The following PLEKHM1 variants were observed in gnomAD, a reference collection of about 807,000 sequenced individuals.
The protein encoded by PLEKHM1 is pleckstrin homology domain-containing family M member 1.
In PLEKHM1, 28 loss-of-function variants were observed where a neutral mutation model predicts 94.3. The ratio of observed to expected loss-of-function variants is 0.30; its 90% CI spans 0.22 to 0.41. PLEKHM1 has a LOEUF of 0.41. PLEKHM1 is among the 10% of genes least tolerant of loss of function. PLEKHM1 has a pLI of 1.00. For missense variants in PLEKHM1, 907 were observed against 1,358.6 expected, an observed-to-expected ratio of 0.67 and a Z score of 5.22; for synonymous variants, 424 against 581.2, an observed-to-expected ratio of 0.73 and a Z score of 3.89.
At chr17:45,455,749 T>C (rs2050925936) in intron 6 of PLEKHM1, among the ~76,000 whole-genome samples, 1 of 152,184 alleles carries the variant, frequency 6.6e-6, no homozygotes, top group South Asian at 2.1e-4. Context: ...TGGCCTGGCT[T>C]GTGATGACAA....
Position 45,453,039 on chromosome 17 carries a change from C to G in PLEKHM1, c.2497+316G>C, listed in dbSNP as rs190138982. On this transcript the variant is annotated intron_variant, in intron 7 of 11. Coordinates refer to ENST00000430334, the MANE Select transcript of PLEKHM1 (RefSeq NM_014798.3). This position sits in a 1 kb window ranked among gnomAD's most constrained non-coding sequence, Gnocchi z 4.1. Reference sequence around the variant, plus strand: ...ATGCCCCTGCTCTGAAAGAACAGGACGGTAGAGCAAGAAGAAAATGAAGCA... The same window carrying G: ...ATGCCCCTGCTCTGAAAGAACAGGAGGGTAGAGCAAGAAGAAAATGAAGCA... 3.6e-6 allele frequency: 2 copies of G among 553,250 alleles called. No homozygotes were observed. Among genetic ancestry groups the G allele is most frequent in the East Asian group, 6.2e-5 (2 of 32,176 alleles). The allele number at this position is 553,250 out of a possible 1,614,324, so 34.3% of individuals were successfully genotyped here.
chr17:45,454,179 G>T lies in PLEKHM1; in HGVS notation c.1673C>A (p.Ser558Tyr), dbSNP rs753931445. Reference protein sequence around the residue: ...GIWKELFCELSPLEFRLYLSN... With the variant: ...GIWKELFCELYPLEFRLYLSN... ...CAGGTAGAGGCGGAACTCCAGCGGG[G>T]AGAGCTCGCAGAAGAGCTCCTTCCA... is the stretch of plus-strand genomic sequence containing the variant. Residue 558 changes from serine (S) to tyrosine (Y), a missense_variant, in exon 7 of 12, where the codon TCC becomes TAC. Transcript: ENST00000430334. 1 of 1,613,648 alleles carries T rather than the reference G, an allele frequency of 6.2e-7. No homozygotes were observed. The highest frequency in any genetic ancestry group is 1.1e-5 in the South Asian group (1 of 91,058).
chr17:45,476,716 G>A lies in PLEKHM1; in HGVS notation c.297-990C>T, dbSNP rs1248989337. On this transcript the variant is annotated intron_variant, in intron 3 of 11. Coordinates refer to ENST00000430334, the MANE Select transcript of PLEKHM1 (RefSeq NM_014798.3). The stretch of plus-strand genomic sequence containing the variant: ...CAGTCATGCAGACTGCAGGGTAGAT[G>A]TTCTGCATAAGGAGATCAGACCCCA... Among the ~76,000 whole-genome samples the A allele has an allele frequency of 5.3e-5, 8 of 152,204 alleles. No homozygotes were observed. In the East Asian group the frequency reaches 1.5e-3, roughly 29 times the overall value.
Position 45,442,864 on chromosome 17 carries a change from A to C in PLEKHM1, c.2837+2606T>G, listed in dbSNP as rs1381806541. 2.0e-5 allele frequency among the ~76,000 whole-genome samples: 3 copies of C among 152,256 alleles called. No individual in the cohort carries two copies. In the East Asian group the frequency reaches 5.8e-4, roughly 29 times the overall value. Reference sequence around the variant, plus strand: ...GAAGCCCAGCTGCCCAGAGCCCCTCAAGGGTGTCAGTGAGCTGTGCTCCTG... The same window carrying C: ...GAAGCCCAGCTGCCCAGAGCCCCTCCAGGGTGTCAGTGAGCTGTGCTCCTG... On this transcript the variant is annotated intron_variant, in intron 9 of 11. Transcript: ENST00000430334.
At chr17:45,487,150 GC>G (rs1175552801) in intron 1 of PLEKHM1, among the ~76,000 whole-genome samples, 1 of 152,170 alleles carries the variant, frequency 6.6e-6, no homozygotes, top group African/African-American at 2.4e-5. Context: ...CATTTAGGAA[GC>G]CCCAAACCAC....
intron 3 of PLEKHM1, 40 bp from the exon 4 acceptor site, chr17:45,475,766 A>G (rs1417744081): frequency 2.6e-6 from 4 of 1,557,354 alleles, no homozygotes; most frequent in Admixed American, 1.9e-5. Context: ...AAACTACCCC[A>G]AATCACAGAG....
chr17:45,446,958 T>G (rs975539072), intron 8 of PLEKHM1, among the ~76,000 whole-genome samples: 2 of 152,222 alleles, frequency 1.3e-5, no homozygotes, highest in African/African-American at 4.8e-5. Flanking sequence ...CGTTCGCTGC[T>G]GCTGCTTTAG....
At chr17:45,474,472 C>A (rs1343332155) in intron 4 of PLEKHM1, among the ~76,000 whole-genome samples, 1 of 152,218 alleles carries the variant, frequency 6.6e-6, no homozygotes, top group Non-Finnish European at 1.5e-5. Context: ...CTGTCCACCA[C>A]CTCCTGCATG....
At chr17:45,479,839 ATACACCACAAAATG>A (rs2051889287) in intron 2 of PLEKHM1, among the ~76,000 whole-genome samples, 1 of 152,258 alleles carries the variant, frequency 6.6e-6, no homozygotes, top group Non-Finnish European at 1.5e-5. Flanking sequence ...TTGTTAAATG[ATACACCACAAAATG>A]TACATAGAGT....
At chr17:45,454,501 G>A in intron 6 of PLEKHM1, 1 of 621,262 alleles carries the variant, frequency 1.6e-6, no homozygotes, top group Non-Finnish European at 2.9e-6. Flanking sequence ...GAGAAAATAA[G>A]AGCACCCAAA....
intron 5 of PLEKHM1, among the ~76,000 whole-genome samples, chr17:45,460,772 T>A (rs971585815): frequency 3.3e-5 from 5 of 152,260 alleles, no homozygotes; most frequent in African/African-American, 1.2e-4. Context: ...TTGGCCAGGC[T>A]GGTCTTGCAC....
intron 11 of PLEKHM1, among the ~76,000 whole-genome samples, chr17:45,438,189 T>C (rs980673042): frequency 2.6e-5 from 4 of 152,254 alleles, no homozygotes; most frequent in African/African-American, 9.6e-5. Flanking sequence ...TCCTATTGCA[T>C]TTTTTATAAA....
At chr17:45,477,757 A>C (rs2051799244) in intron 3 of PLEKHM1, 143 bp downstream of exon 3, 1 of 931,418 alleles carries the variant, frequency 1.1e-6, no homozygotes, top group South Asian at 1.4e-5. Context: ...TCTAGAAGAC[A>C]CTTTCAACCC....
At position 45,453,068 on chromosome 17, in the gene PLEKHM1, T is replaced by C; in HGVS notation, c.2497+287A>G. 2 of 585,906 alleles carry C rather than the reference T, an allele frequency of 3.4e-6. No homozygotes were observed. The highest frequency in any genetic ancestry group is 6.1e-6 in the Non-Finnish European group (2 of 327,554). The allele number at this position is 585,906 out of a possible 1,614,324, so 36.3% of individuals were successfully genotyped here. On this transcript the variant is annotated intron_variant, in intron 7 of 11. Coordinates refer to ENST00000430334, the MANE Select transcript of PLEKHM1 (RefSeq NM_014798.3). This position sits in a 1 kb window ranked among gnomAD's most constrained non-coding sequence, Gnocchi z 4.1. ...AGAGCAAGAAGAAAATGAAGCAGGC[T>C]GGGACTCCCTGAGCAGCGCAGTGAG... is the stretch of plus-strand genomic sequence containing the variant.
rs148973891 is a variant in PLEKHM1, at chr17:45,453,903, G to A, written c.1949C>T (p.Ala650Val). 7.8e-5 allele frequency: 126 copies of A among 1,613,802 alleles called. No individual in the cohort carries two copies. Among genetic ancestry groups the A allele is most frequent in the Middle Eastern group, 1.7e-4 (1 of 6,054 alleles). ...TGAGGGAGAGAGGCAGCCCTGGGGC[G>A]CCTCGGGGGGTTCCTCAGGCTGGTC... ...YPDQPEEPPEAPQGCLSPSDL... is the reference protein window; with the variant it reads ...YPDQPEEPPEVPQGCLSPSDL... The change falls in exon 7 of 12, where the codon GCG becomes GTG. Residue 650 changes from alanine to valine, a missense_variant. By Grantham distance (64) the Ala-to-Val change is moderately conservative (BLOSUM62 0). Coordinates refer to ENST00000430334, the MANE Select transcript of PLEKHM1 (RefSeq NM_014798.3). The surrounding 1 kb of genome is among the most constrained non-coding windows in gnomAD (Gnocchi z 4.1).
intron 2 of PLEKHM1, 23 bp downstream of exon 2, chr17:45,482,414 T>G (rs200624347): frequency 5.8e-6 from 5 of 868,228 alleles, no homozygotes; most frequent in Non-Finnish European, 9.3e-6. Flanking sequence ...TTCCCCGCCC[T>G]TGATCCTCCC....
rs761965712 is a variant in PLEKHM1 at position 45,475,167 on chromosome 17, C to T, written c.856G>A (p.Glu286Lys). The T allele has an allele frequency of 7.4e-6, 12 of 1,613,946 alleles. No homozygotes were observed. The highest frequency in any genetic ancestry group is 1.0e-5 in the Non-Finnish European group (12 of 1,179,862). The change falls in exon 4 of 12, where the codon GAG becomes AAG. Residue 286 changes from glutamate to lysine, a missense_variant. Glu to Lys is a moderately conservative substitution (Grantham distance 56). This residue lies in a region of PLEKHM1 where 477 missense variants were observed against 601.5 expected (regional missense o/e 0.79). Coordinates refer to ENST00000430334, the MANE Select transcript of PLEKHM1 (RefSeq NM_014798.3). The stretch of plus-strand genomic sequence containing the variant: ...AGGTCTGAGTCACAGGACATGGGCT[C>T]CTCGCAATGGTCTGGACTCTTGGAG... The part of the protein sequence containing the change: ...NGSKSPDHCE[E>K]PMSCDSDLGT...
chr17:45,439,745 C>CAG, intron 10 of PLEKHM1, 111 bp from the exon 11 acceptor site: 2 of 1,407,884 alleles, frequency 1.4e-6, no homozygotes, highest in Non-Finnish European at 2.0e-6. Context: ...CCATGGCACC[C>CAG]TGCCTGGAGA....
Position 45,475,224 on chromosome 17 carries a change from T to A in PLEKHM1, c.799A>T (p.Asn267Tyr), listed in dbSNP as rs200145679. The change falls in exon 4 of 12, where the codon AAC (asparagine) becomes TAC (tyrosine). Residue 267 changes from asparagine to tyrosine, a missense_variant. Coordinates refer to ENST00000430334, the MANE Select transcript of PLEKHM1 (RefSeq NM_014798.3). The stretch of plus-strand genomic sequence containing the variant: ...TCTTGGAGTAAGCAGCTATCAGAGT[T>A]TAGGCTGCAGGACAGCTGGGATGAA... The part of the protein sequence containing the change: ...ASSSQLSCSL[N>Y]SDSCLLQENG... 28 of 1,613,830 alleles carry A rather than the reference T, an allele frequency of 1.7e-5. No individual in the cohort carries two copies. Among genetic ancestry groups the A allele is most frequent in the Non-Finnish European group, 2.2e-5 (26 of 1,179,864 alleles).
Sources: allele counts gnomAD v4.1 joint callset (sites outside exome capture counted in the v4.1 genomes callset), GRCh38; gene constraint gnomAD v4.1.1; regional missense constraint gnomAD v4.1.1; non-coding constraint Gnocchi (gnomAD v3.1); transcripts MANE v1.5; gene names NCBI Gene and HGNC (gene_info 2026-07-23, HGNC 2026-07-21).